The following SPOCK1 variants were observed in gnomAD, a reference collection of about 807,000 sequenced individuals.
SPOCK1 encodes testican-1.
Under a neutral mutation model 55.3 loss-of-function variants are expected in SPOCK1, and 23 were observed. The ratio of observed to expected loss-of-function variants is 0.42; its 90% CI spans 0.30 to 0.59. The LOEUF is 0.59. Among genes scored for constraint, SPOCK1 ranks in the 20% least tolerant of loss-of-function variants. The pLI is 0.22. For missense variants in SPOCK1, 499 were observed against 552.5 expected (o/e 0.90, Z 0.97); for synonymous variants, 226 against 221.0 (o/e 1.02, Z -0.20).
chr5:137,214,507 C>T (rs1337919668), intron 3 of SPOCK1, among the ~76,000 whole-genome samples: 1 of 151,782 alleles, frequency 6.6e-6, no homozygotes, highest in Non-Finnish European at 1.5e-5. Flanking sequence ...TATTTCTCTA[C>T]AGCCAAGCAG....
intron 3 of SPOCK1, among the ~76,000 whole-genome samples, chr5:137,183,787 G>A (rs1755015667): frequency 6.6e-6 from 1 of 152,060 alleles, no homozygotes; most frequent in African/African-American, 2.4e-5. Context: ...AGCCTCTCAG[G>A]AACTCCTCAT....
At chr5:137,397,789 T>A (rs916709521) in intron 2 of SPOCK1, among the ~76,000 whole-genome samples, 12 of 152,160 alleles carry the variant, frequency 7.9e-5, no homozygotes, top group African/African-American at 2.9e-4. Context: ...GGGGCTTAAG[T>A]CATTTCAGCT....
At chr5:137,105,338 G>A (rs1444912214) in intron 5 of SPOCK1, among the ~76,000 whole-genome samples, 1 of 152,098 alleles carries the variant, frequency 6.6e-6, no homozygotes, top group Admixed American at 6.6e-5. Flanking sequence ...CCACGGGTCT[G>A]GTGGGAGCAG....
Position 137,408,864 on chromosome 5 carries a change from C to T in SPOCK1, c.186+89509G>A, listed in dbSNP as rs114067177. Reference sequence around the variant, plus strand: ...CATGGCCTTGCCCATGCTTCTTAGCCTCTGGGAGCCTCAATTTCCTCAACC... The same window carrying T: ...CATGGCCTTGCCCATGCTTCTTAGCTTCTGGGAGCCTCAATTTCCTCAACC... On this transcript the variant is annotated intron_variant, in intron 2 of 10. Transcript: ENST00000394945. Among the ~76,000 whole-genome samples, 537 of 152,326 alleles carry T rather than the reference C, an allele frequency of 3.5e-3. 4 individuals are homozygous for T. Among genetic ancestry groups the T allele is most frequent in the Non-Finnish European group, 6.7e-3 (454 of 68,022 alleles).
intron 5 of SPOCK1, among the ~76,000 whole-genome samples, chr5:137,103,351 G>A (rs533067433): frequency 3.3e-5 from 5 of 152,198 alleles, no homozygotes; most frequent in South Asian, 4.1e-4. Flanking sequence ...TAATAAAAAC[G>A]ACATTCCCCA....
chr5:137,184,896 T>C (rs1371550804), intron 3 of SPOCK1, among the ~76,000 whole-genome samples: 1 of 152,056 alleles, frequency 6.6e-6, no homozygotes, highest in African/African-American at 2.4e-5. Context: ...CAAGCTTGGC[T>C]CCTTCTCATC....
At chr5:137,476,941 T>C (rs1164530846) in intron 2 of SPOCK1, among the ~76,000 whole-genome samples, 1 of 152,102 alleles carries the variant, frequency 6.6e-6, no homozygotes, top group Admixed American at 6.6e-5. Flanking sequence ...AAAAGTCTTA[T>C]GTATTCTTAT....
intron 2 of SPOCK1, among the ~76,000 whole-genome samples, chr5:137,269,131 C>T (rs566692295): frequency 1.3e-5 from 2 of 152,276 alleles, no homozygotes; most frequent in Admixed American, 6.5e-5. Context: ...AAGTATAAGG[C>T]CTCCAAAAGT....
At chr5:137,449,366 A>G (rs928982990) in intron 2 of SPOCK1, among the ~76,000 whole-genome samples, 1 of 152,230 alleles carries the variant, frequency 6.6e-6, no homozygotes, top group Non-Finnish European at 1.5e-5. Flanking sequence ...CTCAGCCTAA[A>G]TAAAATAACC....
chr5:137,179,028 C>T (rs1485621815), intron 3 of SPOCK1, among the ~76,000 whole-genome samples: 1 of 152,180 alleles, frequency 6.6e-6, no homozygotes, highest in Non-Finnish European at 1.5e-5. Flanking sequence ...TCCAACCTGG[C>T]TAATACATGA....
intron 2 of SPOCK1, among the ~76,000 whole-genome samples, chr5:137,356,045 GAA>G (rs765098556): frequency 4.6e-5 from 7 of 152,196 alleles, no homozygotes; most frequent in Non-Finnish European, 5.9e-5. Flanking sequence ...ACTTCTGAGA[GAA>G]TAACAGATGC....
chr5:137,401,031 A>C (rs894622801), intron 2 of SPOCK1, among the ~76,000 whole-genome samples: 1 of 150,570 alleles, frequency 6.6e-6, no homozygotes, highest in Non-Finnish European at 1.5e-5. Context: ...GGGCCAGTGC[A>C]CAGAGAGGGC....
intron 2 of SPOCK1, among the ~76,000 whole-genome samples, chr5:137,427,025 T>C (rs1752646948): frequency 1.3e-5 from 2 of 152,196 alleles, no homozygotes; most frequent in African/African-American, 4.8e-5. Flanking sequence ...TGGGACCATG[T>C]GACTAATTCT....
At chr5:137,468,080 C>T (rs994622240) in intron 2 of SPOCK1, among the ~76,000 whole-genome samples, 1 of 152,194 alleles carries the variant, frequency 6.6e-6, no homozygotes, top group Non-Finnish European at 1.5e-5. Context: ...ATAGGACACA[C>T]TGTCCCTAAT....
intron 3 of SPOCK1, among the ~76,000 whole-genome samples, chr5:137,177,569 G>C (rs1238143169): frequency 6.6e-6 from 1 of 152,056 alleles, no homozygotes; most frequent in Non-Finnish European, 1.5e-5. Context: ...CAGGAAAGGG[G>C]CTTCAGGAGG....
chr5:137,031,286 A>G (rs189558615), intron 6 of SPOCK1, among the ~76,000 whole-genome samples: 2 of 152,336 alleles, frequency 1.3e-5, no homozygotes, highest in East Asian at 3.9e-4. Context: ...AATTCTTTCC[A>G]TTAAACTAAA....
chr5:136,979,639 T>TAGAGGC, intron 9 of SPOCK1, 170 bp from the exon 10 acceptor site: 1 of 729,668 alleles, frequency 1.4e-6, no homozygotes. Context: ...CCTTAACCTT[T>TAGAGGC]AGAGGCCCAA....
intron 2 of SPOCK1, among the ~76,000 whole-genome samples, chr5:137,283,290 T>A (rs10479150): frequency 0.15 from 22,114 of 152,094 alleles, 1,732 homozygotes; most frequent in Admixed American, 0.2. Flanking sequence ...CTTCCTCAGC[T>A]CCCAGTTCAC....
At chr5:137,302,740 T>C (rs1274785270) in intron 2 of SPOCK1, among the ~76,000 whole-genome samples, 1 of 152,142 alleles carries the variant, frequency 6.6e-6, no homozygotes, top group African/African-American at 2.4e-5. Context: ...AGGTACACCT[T>C]CTAAAACGTC....
Sources: gnomAD v4.1 joint callset for allele counts (sites outside exome capture counted in the v4.1 genomes callset) on GRCh38, gnomAD v4.1.1 for gene constraint, MANE v1.5 for transcripts, NCBI Gene and HGNC (gene_info 2026-07-23, HGNC 2026-07-21) for gene names.